NTNG1: variants seen among roughly 807,000 people sequenced by gnomAD.
NTNG1 encodes netrin-G1.
A neutral mutation model predicts 54.0 loss-of-function variants in NTNG1; 16 were observed. The observed-to-expected ratio is 0.30, with a 90% CI of 0.20 to 0.45. NTNG1 has a LOEUF of 0.45. Among genes scored for constraint, NTNG1 ranks in the 20% least tolerant of loss-of-function variants. The pLI is 1.00. For missense variants in NTNG1, 530 were observed against 678.7 expected (o/e 0.78, Z 2.43); for synonymous variants, 255 against 263.1 (o/e 0.97, Z 0.30).
At chr1:107,162,342 A>C (rs1655469607) in intron 2 of NTNG1, among the ~76,000 whole-genome samples, 1 of 152,082 alleles carries the variant, frequency 6.6e-6, no homozygotes, top group African/African-American at 2.4e-5. Flanking sequence ...GTTTATTGAT[A>C]TGCTTCCTCT....
chr1:107,365,678 C>G (rs554744968), intron 3 of NTNG1, among the ~76,000 whole-genome samples: 11 of 152,126 alleles, frequency 7.2e-5, no homozygotes, highest in African/African-American at 2.7e-4. Flanking sequence ...CTATATGCCA[C>G]TTGGCATGAG....
intron 2 of NTNG1, among the ~76,000 whole-genome samples, chr1:107,150,215 A>G (rs185048377): frequency 3.4e-4 from 52 of 152,324 alleles, no homozygotes; most frequent in African/African-American, 1.2e-3. Context: ...ACCCGTCTCT[A>G]TGGGAACAGG....
intron 2 of NTNG1, among the ~76,000 whole-genome samples, chr1:107,246,426 G>A (rs529563470): frequency 6.9e-6 from 1 of 145,360 alleles, no homozygotes; most frequent in African/African-American, 2.5e-5. Flanking sequence ...AAAAAAAAAT[G>A]TCCTTGTGGG....
At chr1:107,410,307 C>T (rs1178582924) in intron 5 of NTNG1, 4 of 152,114 alleles carry the variant, frequency 2.6e-5, no homozygotes, top group African/African-American at 9.7e-5. Flanking sequence ...TAATAAATTT[C>T]AGTATAGATC....
chr1:107,323,104 G>GAA (rs758878388), intron 2 of NTNG1, among the ~76,000 whole-genome samples: 1 of 131,620 alleles, frequency 7.6e-6, no homozygotes, highest in African/African-American at 2.7e-5. Context: ...ACAGTATATG[G>GAA]AAAAAAAAAA....
At chr1:107,474,897 T>C (rs2101597584) in intron 7 of NTNG1, among the ~76,000 whole-genome samples, 1 of 152,194 alleles carries the variant, frequency 6.6e-6, no homozygotes. Context: ...TCAACATGAG[T>C]TTTAGAGAGA....
chr1:107,458,488 G>A (rs528720700), intron 7 of NTNG1, among the ~76,000 whole-genome samples: 22 of 152,196 alleles, frequency 1.4e-4, no homozygotes, highest in Admixed American at 2.0e-4. Context: ...TATTACTAAG[G>A]TCACTGCCTT....
intron 2 of NTNG1, among the ~76,000 whole-genome samples, chr1:107,288,058 G>T (rs979517205): frequency 2.0e-5 from 3 of 152,032 alleles, no homozygotes; most frequent in African/African-American, 7.2e-5. Flanking sequence ...CCTAAAGGAA[G>T]AAAGAATAGA....
intron 2 of NTNG1, among the ~76,000 whole-genome samples, chr1:107,274,282 T>C (rs1028654684): frequency 8.5e-5 from 13 of 152,194 alleles, no homozygotes; most frequent in African/African-American, 3.1e-4. Context: ...ATGGAGAATT[T>C]TTAAAGTGCC....
chr1:107,404,162 C>T (rs1673247877), intron 4 of NTNG1, among the ~76,000 whole-genome samples: 1 of 151,440 alleles, frequency 6.6e-6, no homozygotes, highest in East Asian at 1.9e-4. Context: ...GAATTGTACA[C>T]ATTTTATGTC....
chr1:107,462,044 A>G (rs2101544974), intron 7 of NTNG1, among the ~76,000 whole-genome samples: 1 of 152,302 alleles, frequency 6.6e-6, no homozygotes, highest in African/African-American at 2.4e-5. Context: ...AACGCAGATA[A>G]TGAAAATAGA....
At chr1:107,460,137 G>A (rs538471558) in intron 7 of NTNG1, among the ~76,000 whole-genome samples, 11 of 152,280 alleles carry the variant, frequency 7.2e-5, no homozygotes, top group African/African-American at 2.2e-4. Flanking sequence ...GCTAAGGCCC[G>A]TTTCCTCAAG....
rs559104733 is a variant in NTNG1 at position 107,376,234 on chromosome 1, C to T, written c.888-18920C>T. Reference sequence around the variant, plus strand: ...AGGAGATCGAGACCACAGTGAAACCCCGTCTCTACTAAAAATACAAGAAAT... The same window carrying T: ...AGGAGATCGAGACCACAGTGAAACCTCGTCTCTACTAAAAATACAAGAAAT... On this transcript the variant is annotated intron_variant, in intron 3 of 7. Transcript: ENST00000370068. Among the ~76,000 whole-genome samples the T allele has an allele frequency of 9.9e-5, 15 of 151,846 alleles. No homozygotes were observed. The South Asian group carries it at 2.9e-3, about 29-fold the overall frequency.
At chr1:107,164,333 C>G (rs773001783) in intron 2 of NTNG1, among the ~76,000 whole-genome samples, 2 of 152,134 alleles carry the variant, frequency 1.3e-5, no homozygotes. Flanking sequence ...TTGTGCAGGA[C>G]TCATACTACA....
intron 2 of NTNG1, among the ~76,000 whole-genome samples, chr1:107,279,978 C>T (rs1048238263): frequency 6.6e-6 from 1 of 151,238 alleles, no homozygotes; most frequent in African/African-American, 2.4e-5. Context: ...TGGCTTTTGG[C>T]CTCCAGTGTT....
intron 2 of NTNG1, among the ~76,000 whole-genome samples, chr1:107,184,592 T>TTA (rs1015241684): frequency 6.6e-6 from 1 of 152,084 alleles, no homozygotes. Flanking sequence ...CTGTATCAAT[T>TTA]TATATATCCA....
intron 5 of NTNG1, among the ~76,000 whole-genome samples, chr1:107,420,526 A>G (rs1454798986): frequency 6.6e-6 from 1 of 152,026 alleles, no homozygotes; most frequent in Non-Finnish European, 1.5e-5. Context: ...TGATATCATC[A>G]AAAAGGTAAC....
chr1:107,177,892 A>G (rs1034494558), intron 2 of NTNG1, among the ~76,000 whole-genome samples: 1 of 152,156 alleles, frequency 6.6e-6, no homozygotes, highest in African/African-American at 2.4e-5. Context: ...TTTCAGGACC[A>G]CATTGTTGTA....
chr1:107,228,875 T>C (rs1174737486), intron 2 of NTNG1, among the ~76,000 whole-genome samples: 1 of 152,216 alleles, frequency 6.6e-6, no homozygotes, highest in African/African-American at 2.4e-5. Context: ...ACAAGCCATG[T>C]GCTGTGGTCA....
Sources: gnomAD v4.1 joint callset for allele counts (sites outside exome capture counted in the v4.1 genomes callset) on GRCh38, gnomAD v4.1.1 for gene constraint, MANE v1.5 for transcripts, NCBI Gene and HGNC (gene_info 2026-07-23, HGNC 2026-07-21) for gene names.